CEACAM7: variants seen among roughly 807,000 people sequenced by gnomAD.
The protein encoded by CEACAM7 is CEA cell adhesion molecule 7, also known as cell adhesion molecule CEACAM7.
CEACAM7 carries 24 observed loss-of-function variants against 25.7 expected under a neutral mutation model. The observed-to-expected ratio is 0.93, with a 90% CI of 0.68 to 1.31. CEACAM7 has a LOEUF of 1.31. CEACAM7 is among the 40% of genes most tolerant of loss of function. The pLI is 0.00. For missense variants in CEACAM7, 324 were observed against 330.1 expected (o/e 0.98, Z 0.14); for synonymous variants, 144 against 129.4 (o/e 1.11, Z -0.77).
At chr19:41,681,279 A>G (rs1428860045) in intron 3 of CEACAM7, among the ~76,000 whole-genome samples, 2 of 152,196 alleles carry the variant, frequency 1.3e-5, no homozygotes, top group African/African-American at 2.4e-5. Flanking sequence ...AACACAAAAC[A>G]TGTATTTTGA....
intron 3 of CEACAM7, among the ~76,000 whole-genome samples, chr19:41,680,528 C>G (rs1490029938): frequency 1.3e-5 from 2 of 152,140 alleles, no homozygotes; most frequent in African/African-American, 4.8e-5. Context: ...CCACAGTAAT[C>G]AACACAGTGT....
In CEACAM7 at chr19:41,684,047, G is replaced by A. The variant is rs1568688462; in HGVS notation, c.444C>T (p.Pro148=). The A allele has an allele frequency of 1.9e-6, 3 of 1,614,132 alleles. No individual in the cohort carries two copies. Among genetic ancestry groups the A allele is most frequent in the Non-Finnish European group, 2.5e-6 (3 of 1,180,010 alleles). The stretch of plus-strand genomic sequence containing the variant: ...GATTGAAGTTGTTGCTGGTGATGGA[G>A]GGCTTGGGTGGCTCCGCTGTGCAGA... ...QFYVFSEPPK[P]SITSNNFNPV... Residue 148 remains proline, a synonymous_variant, in exon 3 of 5, where the codon CCC becomes CCT. Transcript: ENST00000401731.
intron 4 of CEACAM7, among the ~76,000 whole-genome samples, chr19:41,676,035 T>C (rs1285871711): frequency 2.6e-5 from 4 of 152,198 alleles, no homozygotes; most frequent in African/African-American, 9.6e-5. Context: ...TGGCCAACAA[T>C]GTATAAGCTT....
chr19:41,686,571 T>C (rs74808527), intron 2 of CEACAM7, among the ~76,000 whole-genome samples: 6,083 of 152,192 alleles, frequency 0.04, 404 homozygotes, highest in African/African-American at 0.14. Flanking sequence ...CCAGGGTCTT[T>C]TTCAGGGGGA....
At position 41,674,110 on chromosome 19, in the gene CEACAM7, C is replaced by T. The variant is rs1047202230; in HGVS notation, c.*666G>A. The T allele has an allele frequency of 6.6e-6, 1 of 152,246 alleles. No homozygotes were observed. The highest frequency in any genetic ancestry group is 2.4e-5 in the African/African-American group (1 of 41,458). 9.4% of individuals were successfully genotyped at this position (152,246 alleles called of 1,614,324 possible). Reference sequence around the variant, plus strand: ...GCAACAAGAAGTGTCAGCAACTGCACAAACTCCTCCCTGTTCAGCTAGTAG... The same window carrying T: ...GCAACAAGAAGTGTCAGCAACTGCATAAACTCCTCCCTGTTCAGCTAGTAG... On this transcript the variant is annotated 3_prime_UTR_variant, in exon 5 of 5. Coordinates refer to ENST00000401731, the MANE Select transcript of CEACAM7 (RefSeq NM_001291485.2).
At chr19:41,687,372 C>T (rs930581114) in intron 1 of CEACAM7, 151 bp from the exon 2 acceptor site, 16 of 745,140 alleles carry the variant, frequency 2.1e-5, no homozygotes, top group Non-Finnish European at 2.4e-5. Context: ...TCAATGTCAG[C>T]AGCATGTCCC....
At chr19:41,685,772 G>T (rs1327381623) in intron 2 of CEACAM7, among the ~76,000 whole-genome samples, 1 of 152,138 alleles carries the variant, frequency 6.6e-6, no homozygotes, top group Non-Finnish European at 1.5e-5. Context: ...GACTCTGATA[G>T]TTGAGGCAAG....
intron 3 of CEACAM7, among the ~76,000 whole-genome samples, chr19:41,681,487 T>C (rs1555810700): frequency 6.6e-6 from 1 of 152,160 alleles, no homozygotes; most frequent in African/African-American, 2.4e-5. Context: ...CCCATGTTGA[T>C]AGTAGCATTA....
At chr19:41,681,908 T>C (rs1600432513) in intron 3 of CEACAM7, among the ~76,000 whole-genome samples, 1 of 152,138 alleles carries the variant, frequency 6.6e-6, no homozygotes. Context: ...TGGATAGCGG[T>C]GATGGTTGCA....
In CEACAM7 at chr19:41,687,211, T is replaced by TA; in HGVS notation, c.74dup (p.Leu25PhefsTer15). ...CACTGTTTGGCAGGTTCCAGAAGGT[T>TA]AAAAGCGAGGCTAGGAGGGGGAGAG... On this transcript the variant is annotated frameshift_variant, in exon 2 of 5. Transcript: ENST00000401731. LOFTEE classifies it high-confidence loss of function. 1 of 1,600,278 alleles carries TA rather than the reference T, an allele frequency of 6.2e-7. No homozygotes were observed. Among genetic ancestry groups the TA allele is most frequent in the Non-Finnish European group, 8.5e-7 (1 of 1,172,386 alleles).
In CEACAM7 at chr19:41,679,968, ATTTTTTTTTTTT is replaced by A. The variant is rs35163344; in HGVS notation, c.707-2477_707-2466del. ...AGGCGTGTGCCACCACACCTGGCTA[ATTTTTTTTTTTT>A]TTTTTTTTTTTTTTTTTTTAGTAGA... is the stretch of plus-strand genomic sequence containing the variant. On this transcript the variant is annotated intron_variant, in intron 3 of 4. Coordinates refer to ENST00000401731, the MANE Select transcript of CEACAM7 (RefSeq NM_001291485.2). Among the ~76,000 whole-genome samples the A allele has an allele frequency of 8.9e-3, 615 of 68,906 alleles. 10 individuals are homozygous for A. Among genetic ancestry groups the A allele is most frequent in the African/African-American group, 0.035 (594 of 16,790 alleles). The allele number at this position is 68,906 out of a possible 152,430, so 45.2% of individuals were successfully genotyped here.
chr19:41,673,895 G>T lies in CEACAM7; in HGVS notation c.*881C>A, dbSNP rs979951036. The T allele has an allele frequency of 6.6e-6, 1 of 152,170 alleles. No individual in the cohort carries two copies. The highest frequency in any genetic ancestry group is 1.5e-5 in the Non-Finnish European group (1 of 68,038). 9.4% of individuals were successfully genotyped at this position (152,170 alleles called of 1,614,324 possible). A position where few individuals can be genotyped will look rare whatever the true frequency, so the allele number is the denominator to read the frequency against. On this transcript the variant is annotated 3_prime_UTR_variant, in exon 5 of 5. Transcript: ENST00000401731. ...ACAGCACACCAGGGTAACTAATATT[G>T]TGACAATCAGGAGGATCACACCAAG...
rs148524386 is a variant in CEACAM7 at position 41,678,836 on chromosome 19, CTT to C, written c.707-1335_707-1334del. Among the ~76,000 whole-genome samples the C allele has an allele frequency of 9.8e-4, 150 of 152,326 alleles. 4 individuals carry two copies. In the East Asian group the frequency reaches 0.024, roughly 25 times the overall value. On this transcript the variant is annotated intron_variant, in intron 3 of 4. Coordinates refer to ENST00000401731, the MANE Select transcript of CEACAM7 (RefSeq NM_001291485.2). ...AAAACAATACTGTGAAACAGGCACT[CTT>C]ATTGCAATTTTCAGTTGTGGAAACT... is the stretch of plus-strand genomic sequence containing the variant.
intron 2 of CEACAM7, 45 bp downstream of exon 2, chr19:41,686,814 T>C (rs374549079): frequency 6.6e-7 from 1 of 1,512,160 alleles, no homozygotes; most frequent in Non-Finnish European, 8.8e-7. Flanking sequence ...GTGTATGAAG[T>C]AGAACTGGCC....
chr19:41,683,673 C>T, intron 3 of CEACAM7, 112 bp downstream of exon 3: 1 of 1,472,888 alleles, frequency 6.8e-7, no homozygotes, highest in Non-Finnish European at 9.3e-7. Context: ...AGCCTGGGTG[C>T]CTAGAGGTGA....
At position 41,687,157 on chromosome 19, in the gene CEACAM7, G is replaced by A; in HGVS notation, c.129C>T (p.Phe43=). The part of the protein sequence containing the change: ...SAQTNIDVVP[F]NVAEGKEVLL... ...GGACCTCCTTCCCTTCTGCGACATTGAACGGCACGACATCAATATTGGTCT... is the reference window on the plus strand; with the variant it reads ...GGACCTCCTTCCCTTCTGCGACATTAAACGGCACGACATCAATATTGGTCT... The change falls in exon 2 of 5, where the codon TTC becomes TTT. Residue 43 remains phenylalanine (F), a synonymous_variant. Coordinates refer to ENST00000401731, the MANE Select transcript of CEACAM7 (RefSeq NM_001291485.2). 1 of 1,613,940 alleles carries A rather than the reference G, an allele frequency of 6.2e-7. No homozygotes were observed. Among genetic ancestry groups the A allele is most frequent in the South Asian group, 1.1e-5 (1 of 91,056 alleles).
rs782131620 is a variant in CEACAM7, at chr19:41,687,047, A to G, written c.239T>C (p.Ile80Thr). Residue 80 changes from isoleucine (I) to threonine (T), a missense_variant, in exon 2 of 5, where the codon ATA becomes ACA. Ile to Thr is a moderately conservative substitution (Grantham distance 89). Transcript: ENST00000401731. ...TTGACTTATATTTTTTACATATCCT[A>G]TAATTCGATAGTTGGCATGCACCCT... Reference protein sequence around the residue: ...GERVHANYRIIGYVKNISQEN... With the variant: ...GERVHANYRITGYVKNISQEN... The G allele has an allele frequency of 9.3e-6, 15 of 1,613,876 alleles. No individual in the cohort carries two copies. In the South Asian group the frequency reaches 1.5e-4, roughly 17 times the overall value.
chr19:41,679,801 C>CTCTT (rs35780292), intron 3 of CEACAM7, among the ~76,000 whole-genome samples: 1,157 of 111,880 alleles, frequency 0.01, 33 homozygotes, highest in African/African-American at 0.016. Flanking sequence ...CTCTCTCTCT[C>CTCTT]TTTTTTTTTT....
At chr19:41,677,560 C>G in intron 3 of CEACAM7, 57 bp from the exon 4 acceptor site, 4 of 1,283,918 alleles carry the variant, frequency 3.1e-6, no homozygotes, top group Non-Finnish European at 4.5e-6. Flanking sequence ...AGGGAAGTCC[C>G]CCAGGAACCA....
Sources: allele counts gnomAD v4.1 joint callset (sites outside exome capture counted in the v4.1 genomes callset), GRCh38; gene constraint gnomAD v4.1.1; transcripts MANE v1.5; gene names NCBI Gene and HGNC (gene_info 2026-07-23, HGNC 2026-07-21).